The following CLNK variants were observed in gnomAD, a reference collection of about 807,000 sequenced individuals.
The protein encoded by CLNK is cytokine dependent hematopoietic cell linker.
CLNK carries 74 observed loss-of-function variants against 68.6 expected under a neutral mutation model. That is an observed-to-expected ratio of 1.08 (90% CI 0.89 to 1.31). The LOEUF is 1.31. Ranked by LOEUF, CLNK falls within the 50% of genes most tolerant of loss-of-function variation. The probability of loss-of-function intolerance (pLI) is 0.00; values close to 1 mark genes in which losing one functional copy is unlikely to be tolerated. For synonymous variants in CLNK, 198 were observed against 172.2 expected, an observed-to-expected ratio of 1.15 and a Z score of -1.17; for missense variants, 553 against 515.3, an observed-to-expected ratio of 1.07 and a Z score of -0.71.
chr4:10,697,617 G>A, the CLNK span: 5 of 152,304 alleles, frequency 3.3e-5, no homozygotes, highest in East Asian at 9.7e-4. Flanking sequence ...AGTCCAACAA[G>A]AATGGCTTCT....
intron 17 of CLNK, among the ~76,000 whole-genome samples, chr4:10,502,435 T>A (rs1235412838): frequency 6.6e-6 from 1 of 152,006 alleles, no homozygotes; most frequent in Non-Finnish European, 1.5e-5. Flanking sequence ...ACGTGGGGAT[T>A]ATGGGGATTA....
intron 2 of CLNK, among the ~76,000 whole-genome samples, chr4:10,646,631 G>A (rs777854412): frequency 6.6e-5 from 10 of 152,076 alleles, no homozygotes; most frequent in Non-Finnish European, 1.5e-4. Context: ...CACAGAGTGC[G>A]ACGTCCCAGC....
chr4:10,698,240 A>G, the CLNK span, among the ~76,000 whole-genome samples: 1 of 152,108 alleles, frequency 6.6e-6, no homozygotes, highest in South Asian at 2.1e-4. Context: ...CATTAAAGAC[A>G]ATTTTCAAAC....
chr4:10,667,086 C>G (rs1301690999), intron 2 of CLNK, among the ~76,000 whole-genome samples: 1 of 152,100 alleles, frequency 6.6e-6, no homozygotes, highest in Non-Finnish European at 1.5e-5. Context: ...CTTGCATATC[C>G]AGAGGGTAAG....
intron 2 of CLNK, among the ~76,000 whole-genome samples, chr4:10,630,190 T>C (rs1722830156): frequency 6.6e-6 from 1 of 152,268 alleles, no homozygotes; most frequent in East Asian, 1.9e-4. Flanking sequence ...TGGAATTGAA[T>C]CTGGCTTGTT....
chr4:10,562,812 A>G (rs1052543544), intron 7 of CLNK, among the ~76,000 whole-genome samples: 1 of 152,096 alleles, frequency 6.6e-6, no homozygotes, highest in Non-Finnish European at 1.5e-5. Context: ...TTTTCAAAGT[A>G]CACTTGCTTA....
intron 11 of CLNK, among the ~76,000 whole-genome samples, chr4:10,535,266 A>AGAAAGAAAGAAAGAAG (rs1553847851): frequency 2.0e-5 from 3 of 148,462 alleles, no homozygotes; most frequent in Non-Finnish European, 3.0e-5. Flanking sequence ...AAAGAAAGAA[A>AGAAAGAAAGAAAGAAG]AAATGGAAAG....
intron 2 of CLNK, among the ~76,000 whole-genome samples, chr4:10,630,492 A>G (rs1722843240): frequency 6.6e-6 from 1 of 152,000 alleles, no homozygotes; most frequent in Admixed American, 6.6e-5. Context: ...ACTCTGGGCT[A>G]TGTGTTGTGG....
At chr4:10,509,223 A>C (rs1717458037) in intron 16 of CLNK, among the ~76,000 whole-genome samples, 1 of 152,120 alleles carries the variant, frequency 6.6e-6, no homozygotes, top group Admixed American at 6.5e-5. Flanking sequence ...CTGGAAAGTA[A>C]ACCTGATATA....
chr4:10,699,494 C>CTCTCTCTATATATATATATATA, the CLNK span, among the ~76,000 whole-genome samples: 2 of 56,990 alleles, frequency 3.5e-5, no homozygotes, highest in African/African-American at 1.8e-4. Flanking sequence ...CTCTCTCTCT[C>CTCTCTCTATATATATATATATA]TATATATATA....
chr4:10,716,452 T>A, the CLNK span, among the ~76,000 whole-genome samples: 1 of 152,110 alleles, frequency 6.6e-6, no homozygotes, highest in Non-Finnish European at 1.5e-5. Flanking sequence ...TTTAAAAAAT[T>A]TGAGAAAGCT....
At chr4:10,502,714 G>A (rs1717105731) in intron 17 of CLNK, among the ~76,000 whole-genome samples, 1 of 151,966 alleles carries the variant, frequency 6.6e-6, no homozygotes, top group African/African-American at 2.4e-5. Flanking sequence ...AAGAGACATG[G>A]GGCTTTTAAG....
chr4:10,732,334 G>A, the CLNK span, among the ~76,000 whole-genome samples: 1 of 152,334 alleles, frequency 6.6e-6, no homozygotes, highest in African/African-American at 2.4e-5. Flanking sequence ...AGCACACAAA[G>A]CTAGCAGCCC....
rs1717040499 is a variant in CLNK, at chr4:10,501,350, G to A, written c.1046C>T (p.Ala349Val). 1 of 1,609,810 alleles carries A rather than the reference G, an allele frequency of 6.2e-7. No homozygotes were observed. The highest frequency in any genetic ancestry group is 8.5e-7 in the Non-Finnish European group (1 of 1,178,828). Residue 349 changes from alanine (A) to valine (V), a missense_variant, in exon 18 of 19, where the codon GCT (alanine) becomes GTT (valine). Coordinates refer to ENST00000226951, the MANE Select transcript of CLNK (RefSeq NM_052964.4). ...TKSKEEPYVL[A>V]VFYENKVYNV... ...GTAGACTTTGTTCTCATAAAACACAGCCAAAACATAGGGCTCTTCCTTGGA... is the reference window on the plus strand; with the variant it reads ...GTAGACTTTGTTCTCATAAAACACAACCAAAACATAGGGCTCTTCCTTGGA...
chr4:10,498,786 C>T (rs1356961485), intron 18 of CLNK, among the ~76,000 whole-genome samples: 3 of 152,160 alleles, frequency 2.0e-5, no homozygotes, highest in South Asian at 4.1e-4. Context: ...TTCTGTCTTT[C>T]GTGTTAACGT....
chr4:10,504,609 T>C (rs17467315), intron 17 of CLNK, among the ~76,000 whole-genome samples: 18,437 of 152,150 alleles, frequency 0.12, 1,449 homozygotes, highest in East Asian at 0.22. Context: ...TAAAATAGGA[T>C]GGCGGAATTT....
the CLNK span, among the ~76,000 whole-genome samples, chr4:10,733,255 G>T: frequency 2.0e-5 from 3 of 152,108 alleles, no homozygotes; most frequent in South Asian, 6.2e-4. Context: ...TAAACCCTGT[G>T]CCACAATCCA....
At chr4:10,502,395 T>A (rs1447741329) in intron 17 of CLNK, among the ~76,000 whole-genome samples, 1 of 151,986 alleles carries the variant, frequency 6.6e-6, no homozygotes, top group East Asian at 1.9e-4. Context: ...TGGGGGAAAC[T>A]GCCCCCAAGA....
intron 17 of CLNK, among the ~76,000 whole-genome samples, chr4:10,505,719 A>G (rs1220666073): frequency 6.6e-6 from 1 of 152,050 alleles, no homozygotes; most frequent in East Asian, 1.9e-4. Context: ...TCTTACAAGG[A>G]CCTTTGTGAT....
Sources: allele counts gnomAD v4.1 joint callset (sites outside exome capture counted in the v4.1 genomes callset), GRCh38; gene constraint gnomAD v4.1.1; transcripts MANE v1.5; gene names NCBI Gene and HGNC (gene_info 2026-07-23, HGNC 2026-07-21).